GALNT13: variants seen among roughly 807,000 people sequenced by gnomAD.
GALNT13 encodes the protein UDP-GalNAc:polypeptide N-acetylgalactosaminyltransferase 13.
Under a neutral mutation model 64.2 loss-of-function variants are expected in GALNT13, and 28 were observed. The observed-to-expected ratio is 0.44, with a 90% CI of 0.32 to 0.60. The LOEUF (loss-of-function observed/expected upper bound fraction) is 0.60. GALNT13 is among the 20% of genes least tolerant of loss of function. The pLI is 0.05. For synonymous variants in GALNT13, 214 were observed against 224.6 expected (o/e 0.95, Z 0.42); for missense variants, 577 against 669.8 (o/e 0.86, Z 1.53).
intron 3 of GALNT13, among the ~76,000 whole-genome samples, chr2:154,038,984 A>T (rs1179066630): frequency 1.3e-5 from 2 of 152,132 alleles, no homozygotes; most frequent in Non-Finnish European, 2.9e-5. Context: ...AGACATACAG[A>T]TGGCCAATAG....
At chr2:153,376,175 C>T in the GALNT13 span, among the ~76,000 whole-genome samples, 6 of 152,092 alleles carry the variant, frequency 3.9e-5, no homozygotes, top group African/African-American at 1.4e-4. Flanking sequence ...CAAACTATAA[C>T]AAATTTGGAT....
intron 9 of GALNT13, among the ~76,000 whole-genome samples, chr2:154,324,689 C>A (rs1159342551): frequency 6.6e-6 from 1 of 152,072 alleles, no homozygotes; most frequent in Non-Finnish European, 1.5e-5. Context: ...GTGAGCCAGT[C>A]TTGCCTCTAA....
At chr2:153,704,072 T>C in the GALNT13 span, among the ~76,000 whole-genome samples, 2 of 152,204 alleles carry the variant, frequency 1.3e-5, no homozygotes. Flanking sequence ...GTGCATTTTA[T>C]TCTTGTTAAA....
At chr2:153,787,462 C>T in the GALNT13 span, among the ~76,000 whole-genome samples, 1 of 152,296 alleles carries the variant, frequency 6.6e-6, no homozygotes, top group South Asian at 2.1e-4. Flanking sequence ...ATGTATATGA[C>T]ATTTAAAGAA....
chr2:153,527,293 G>C, the GALNT13 span, among the ~76,000 whole-genome samples: 1 of 152,110 alleles, frequency 6.6e-6, no homozygotes, highest in African/African-American at 2.4e-5. Flanking sequence ...AAAGCAGCAA[G>C]AGAAAAGGAA....
At chr2:153,809,606 A>G in the GALNT13 span, among the ~76,000 whole-genome samples, 6 of 152,204 alleles carry the variant, frequency 3.9e-5, no homozygotes, top group African/African-American at 1.2e-4. Context: ...ATCATAATCA[A>G]AAAGGAAATG....
the GALNT13 span, among the ~76,000 whole-genome samples, chr2:153,810,768 T>C: frequency 5.9e-5 from 9 of 152,324 alleles, no homozygotes; most frequent in East Asian, 1.5e-3. Context: ...GAATGCTATA[T>C]ACATTTTTGT....
At chr2:154,327,972 C>G (rs558263522) in intron 9 of GALNT13, among the ~76,000 whole-genome samples, 2 of 152,126 alleles carry the variant, frequency 1.3e-5, no homozygotes, top group South Asian at 4.1e-4. Context: ...TAACCTCACT[C>G]TCCTATTTTA....
At chr2:153,149,783 C>T in the GALNT13 span, among the ~76,000 whole-genome samples, 4 of 151,856 alleles carry the variant, frequency 2.6e-5, no homozygotes, top group South Asian at 8.3e-4. Context: ...GCTGTTAATA[C>T]GGTATATCTC....
At chr2:153,483,875 G>A in the GALNT13 span, among the ~76,000 whole-genome samples, 1 of 152,142 alleles carries the variant, frequency 6.6e-6, no homozygotes, top group Non-Finnish European at 1.5e-5. Flanking sequence ...TAGTTACTAG[G>A]GATTGGGGAG....
the GALNT13 span, among the ~76,000 whole-genome samples, chr2:153,317,264 T>C: frequency 6.6e-6 from 1 of 152,172 alleles, no homozygotes. Flanking sequence ...GTTTCAAAAA[T>C]GCATGGTTAT....
the GALNT13 span, among the ~76,000 whole-genome samples, chr2:153,851,948 C>T: frequency 6.6e-6 from 1 of 151,938 alleles, no homozygotes; most frequent in Admixed American, 6.6e-5. Context: ...AAGCTGTATA[C>T]CATATGTGAA....
chr2:154,011,291 G>A (rs1696621519), intron 3 of GALNT13, among the ~76,000 whole-genome samples: 1 of 151,914 alleles, frequency 6.6e-6, no homozygotes, highest in Non-Finnish European at 1.5e-5. Context: ...TGTTCTCACT[G>A]TTTTCAAAGA....
At chr2:153,322,941 T>G in the GALNT13 span, among the ~76,000 whole-genome samples, 2 of 152,210 alleles carry the variant, frequency 1.3e-5, no homozygotes. Flanking sequence ...CTATTGTGAA[T>G]AGTGCTTCAA....
At chr2:153,072,253 C>T in the GALNT13 span, among the ~76,000 whole-genome samples, 136 of 152,210 alleles carry the variant, frequency 8.9e-4, 1 homozygote, top group Middle Eastern at 6.8e-3. Context: ...TAACTCTTAC[C>T]TACCGCTAAG....
At chr2:153,163,933 G>T in the GALNT13 span, among the ~76,000 whole-genome samples, 2 of 151,622 alleles carry the variant, frequency 1.3e-5, no homozygotes, top group Admixed American at 6.6e-5. Flanking sequence ...CAGGAGAATG[G>T]CGTGAACCCG....
At chr2:153,737,462 T>C in the GALNT13 span, among the ~76,000 whole-genome samples, 1 of 152,142 alleles carries the variant, frequency 6.6e-6, no homozygotes, top group Non-Finnish European at 1.5e-5. Flanking sequence ...ATTTTTAAAA[T>C]AAAGCACATT....
At position 153,963,731 on chromosome 2, in the gene GALNT13, C is replaced by CTCTG. The variant is rs1223478876; in HGVS notation, c.142+19093_142+19094insCTGT. Reference sequence around the variant, plus strand: ...TCTCCGTCTCTCTCTCTCTCTCTCTCTGTGTGTGTGTGTGTGTGTGTGTGT... The same window carrying CTCTG: ...TCTCCGTCTCTCTCTCTCTCTCTCTCTCTGTGTGTGTGTGTGTGTGTGTGTGTGT... On this transcript the variant is annotated intron_variant, in intron 3 of 12. Transcript: ENST00000392825. 3.5e-3 allele frequency among the ~76,000 whole-genome samples: 357 copies of CTCTG among 100,842 alleles called. 2 individuals are homozygous for CTCTG. The highest frequency in any genetic ancestry group is 8.6e-3 in the East Asian group (29 of 3,390). The allele number at this position is 100,842 out of a possible 152,430, so 66.2% of individuals were successfully genotyped here. A position where few individuals can be genotyped will look rare whatever the true frequency, so the allele number is the denominator to read the frequency against.
the GALNT13 span, among the ~76,000 whole-genome samples, chr2:153,627,984 C>A: frequency 6.6e-6 from 1 of 152,148 alleles, no homozygotes; most frequent in African/African-American, 2.4e-5. Flanking sequence ...CACCCATGAG[C>A]ATGGAATGTT....
Sources: gnomAD v4.1 joint callset for allele counts (sites outside exome capture counted in the v4.1 genomes callset) on GRCh38, gnomAD v4.1.1 for gene constraint, MANE v1.5 for transcripts, NCBI Gene and HGNC (gene_info 2026-07-23, HGNC 2026-07-21) for gene names.